The following TMEM132C variants were observed in gnomAD, a reference collection of about 807,000 sequenced individuals.
The protein encoded by TMEM132C is protein phosphatase 1, regulatory subunit 152.
TMEM132C carries 29 observed loss-of-function variants against 61.4 expected under a neutral mutation model. That is an observed-to-expected ratio of 0.47 (90% CI 0.35 to 0.64). TMEM132C has a LOEUF of 0.64. Among genes scored for constraint, TMEM132C ranks in the 30% least tolerant of loss-of-function variants. TMEM132C has a pLI of 0.00. For synonymous variants in TMEM132C, 656 were observed against 633.1 expected, an observed-to-expected ratio of 1.04 and a Z score of -0.54; for missense variants, 1,408 against 1,476.9, an observed-to-expected ratio of 0.95 and a Z score of 0.76.
intron 2 of TMEM132C, among the ~76,000 whole-genome samples, chr12:128,424,189 C>G (rs1869101118): frequency 1.3e-5 from 2 of 151,850 alleles, no homozygotes; most frequent in African/African-American, 4.8e-5. Flanking sequence ...CATACCTGTT[C>G]TAATAGACAA....
At chr12:128,676,585 T>G (rs563728694) in intron 5 of TMEM132C, among the ~76,000 whole-genome samples, 1 of 152,294 alleles carries the variant, frequency 6.6e-6, no homozygotes, top group South Asian at 2.1e-4. Context: ...TACCCACATA[T>G]ACAGATAATT....
At chr12:128,640,897 G>A (rs952847666) in intron 4 of TMEM132C, among the ~76,000 whole-genome samples, 9 of 151,958 alleles carry the variant, frequency 5.9e-5, no homozygotes, top group Admixed American at 2.0e-4. Flanking sequence ...TCACACACAC[G>A]CACACACACA....
At chr12:128,477,008 C>G (rs891142438) in intron 2 of TMEM132C, among the ~76,000 whole-genome samples, 3 of 152,098 alleles carry the variant, frequency 2.0e-5, no homozygotes, top group African/African-American at 7.2e-5. Context: ...GAAAAATTAG[C>G]TTTCTGCTTG....
At chr12:128,350,591 G>A (rs546467948) in intron 1 of TMEM132C, among the ~76,000 whole-genome samples, 63 of 152,218 alleles carry the variant, frequency 4.1e-4, no homozygotes, top group Non-Finnish European at 6.3e-4. Flanking sequence ...TGTGGCTGGA[G>A]CAGAGTGAGT....
Position 128,705,245 on chromosome 12 carries a change from G to A in TMEM132C, c.2277G>A (p.Val759=). Reference sequence around the variant, plus strand: ...GCTCTCCCAGGTGGCCCGTTGTGGTGGCCGAAGGGGAAGGCCAGGGCCCAC... The same window carrying A: ...GCTCTCCCAGGTGGCCCGTTGTGGTAGCCGAAGGGGAAGGCCAGGGCCCAC... ...QPRSPRWPVV[V]AEGEGQGPLI... Residue 759 remains valine (V), a synonymous_variant, in exon 9 of 9, where the codon GTG becomes GTA. Coordinates refer to ENST00000435159, the MANE Select transcript of TMEM132C (RefSeq NM_001136103.3). 6.4e-7 allele frequency: 1 copy of A among 1,551,696 alleles called. No individual in the cohort carries two copies.
intron 4 of TMEM132C, among the ~76,000 whole-genome samples, chr12:128,648,831 A>C (rs1417345507): frequency 6.7e-6 from 1 of 149,084 alleles, no homozygotes; most frequent in South Asian, 2.1e-4. Context: ...ATTGGATGTG[A>C]GTGTGTTTAC....
intron 2 of TMEM132C, among the ~76,000 whole-genome samples, chr12:128,540,654 GC>G (rs2136144759): frequency 6.6e-6 from 1 of 152,272 alleles, no homozygotes; most frequent in African/African-American, 2.4e-5. Context: ...CAGTCTTTCT[GC>G]GTGGACAAAT....
At chr12:128,671,320 T>C (rs1316158162) in intron 5 of TMEM132C, among the ~76,000 whole-genome samples, 3 of 152,226 alleles carry the variant, frequency 2.0e-5, no homozygotes, top group Non-Finnish European at 4.4e-5. Context: ...CTGCAATTCC[T>C]GGTGTTTCCC....
intron 4 of TMEM132C, among the ~76,000 whole-genome samples, chr12:128,654,262 C>T (rs1274311277): frequency 2.0e-5 from 3 of 152,022 alleles, no homozygotes; most frequent in Non-Finnish European, 2.9e-5. Flanking sequence ...ACGGGGAGAG[C>T]GTTCCACGGT....
chr12:128,398,728 C>T (rs536197836), intron 1 of TMEM132C, among the ~76,000 whole-genome samples: 12 of 152,246 alleles, frequency 7.9e-5, no homozygotes, highest in South Asian at 2.1e-4. Context: ...AGATACTTCA[C>T]GCATAGGGAT....
At chr12:128,507,241 C>T (rs922206282) in intron 2 of TMEM132C, among the ~76,000 whole-genome samples, 1 of 152,140 alleles carries the variant, frequency 6.6e-6, no homozygotes, top group Non-Finnish European at 1.5e-5. Context: ...TCCATTACTG[C>T]ATACTTCACC....
intron 2 of TMEM132C, among the ~76,000 whole-genome samples, chr12:128,524,355 G>A (rs1416400948): frequency 6.6e-6 from 1 of 152,156 alleles, no homozygotes; most frequent in Non-Finnish European, 1.5e-5. Context: ...AAGTGCTGCC[G>A]TTTGATGTGA....
chr12:128,280,185 A>G (rs936245849), intron 1 of TMEM132C, among the ~76,000 whole-genome samples: 1 of 152,190 alleles, frequency 6.6e-6, no homozygotes, highest in Admixed American at 6.5e-5. Context: ...CTGAGAATGG[A>G]GCCTGTCTTC....
At chr12:128,427,387 G>A (rs375040510) in intron 2 of TMEM132C, among the ~76,000 whole-genome samples, 1 of 132,294 alleles carries the variant, frequency 7.6e-6, no homozygotes, top group Admixed American at 7.9e-5. Context: ...CTTCCAAAGG[G>A]GTGTGTGTGT....
intron 4 of TMEM132C, among the ~76,000 whole-genome samples, chr12:128,658,050 C>A (rs1240852635): frequency 4.7e-5 from 7 of 148,290 alleles, no homozygotes; most frequent in African/African-American, 1.7e-4. Flanking sequence ...AGCAGGGACG[C>A]AGCTCCCATG....
chr12:128,601,335 G>A (rs370023333), intron 3 of TMEM132C, among the ~76,000 whole-genome samples: 36 of 152,206 alleles, frequency 2.4e-4, no homozygotes, highest in Non-Finnish European at 3.1e-4. Flanking sequence ...GGCTCCTGGC[G>A]CAATCACCCA....
intron 4 of TMEM132C, among the ~76,000 whole-genome samples, chr12:128,658,443 G>A (rs998080808): frequency 2.2e-4 from 34 of 152,256 alleles, no homozygotes; most frequent in African/African-American, 6.5e-4. Context: ...TGTCTCCAGC[G>A]TCCTCCTAAC....
intron 3 of TMEM132C, 52 bp downstream of exon 3, chr12:128,544,155 G>GC: frequency 1.4e-6 from 2 of 1,454,058 alleles, no homozygotes; most frequent in Non-Finnish European, 1.8e-6. Context: ...CCGGGCCCAG[G>GC]CCGGCTGGTG....
chr12:128,296,658 A>G (rs1871425244), intron 1 of TMEM132C, among the ~76,000 whole-genome samples: 1 of 152,226 alleles, frequency 6.6e-6, no homozygotes, highest in African/African-American at 2.4e-5. Flanking sequence ...AGGGATAGAT[A>G]GAACAACACT....
Sources: allele counts gnomAD v4.1 joint callset (sites outside exome capture counted in the v4.1 genomes callset), GRCh38; gene constraint gnomAD v4.1.1; transcripts MANE v1.5; gene names NCBI Gene and HGNC (gene_info 2026-07-23, HGNC 2026-07-21).